The following SH3TC1 variants were observed in gnomAD, a reference collection of about 807,000 sequenced individuals.
SH3TC1 encodes SH3 domain and tetratricopeptide repeats 1, also known as SH3 domain and tetratricopeptide repeat-containing protein 1.
Under a neutral mutation model 117.3 loss-of-function variants are expected in SH3TC1, and 135 were observed. That is an observed-to-expected ratio of 1.15 (90% CI 1.00 to 1.33). The LOEUF is 1.33. SH3TC1 is among the 40% of genes most tolerant of loss of function. SH3TC1 has a pLI of 0.00. For missense variants in SH3TC1, 2,092 were observed against 1,794.3 expected (o/e 1.17, Z -3.00); for synonymous variants, 898 against 816.9 (o/e 1.10, Z -1.69).
At chr4:8,222,744 T>G in intron 9 of SH3TC1, 96 bp from the exon 10 acceptor site, 7 of 1,475,418 alleles carry the variant, frequency 4.7e-6, no homozygotes, top group Non-Finnish European at 6.5e-6. Context: ...GCTCCGAGAC[T>G]ATCTGTCTGT....
rs761218156 is a variant in SH3TC1, at chr4:8,214,572, A to G, written c.473A>G (p.His158Arg). Reference protein sequence around the residue: ...FEEIWKFSTYHALGFTHHCLA... With the variant: ...FEEIWKFSTYRALGFTHHCLA... ...GAAATCTGGAAGTTTTCCACCTACC[A>G]TGCTCTCGGTAAAGAGGTGACCCTC... is the stretch of plus-strand genomic sequence containing the variant. The change falls in exon 5 of 18, where the codon CAT (histidine) becomes CGT (arginine). Residue 158 changes from histidine (H) to arginine (R), a missense_variant. By Grantham distance (29) the His-to-Arg change is conservative. Transcript: ENST00000245105. 2.5e-6 allele frequency: 4 copies of G among 1,613,478 alleles called. No homozygotes were observed. Among genetic ancestry groups the G allele is most frequent in the Non-Finnish European group, 3.4e-6 (4 of 1,179,768 alleles).
chr4:8,210,008 GA>G lies in SH3TC1; in HGVS notation c.247+187del, dbSNP rs1198019404. 6.6e-6 allele frequency among the ~76,000 whole-genome samples: 1 copy of G among 152,200 alleles called. No individual in the cohort carries two copies. Among genetic ancestry groups the G allele is most frequent in the Non-Finnish European group, 1.5e-5 (1 of 68,026 alleles). On this transcript the variant is annotated intron_variant, in intron 3 of 17. Transcript: ENST00000245105. This position sits in a 1 kb window ranked among gnomAD's most constrained non-coding sequence, Gnocchi z 4.1. ...TGCCCAGGTCCTGCACCCAGAGGGG[GA>G]CATGGCCCCTGGGGCTCCCCTAGGC...
At chr4:8,191,618 A>G (rs997084222) in intron 1 of SH3TC1, among the ~76,000 whole-genome samples, 3 of 152,002 alleles carry the variant, frequency 2.0e-5, no homozygotes, top group African/African-American at 7.2e-5. Flanking sequence ...TTCCAGCACC[A>G]GCTGGTACGG....
chr4:8,185,865 A>C (rs1717204697), intron 1 of SH3TC1, among the ~76,000 whole-genome samples: 1 of 152,150 alleles, frequency 6.6e-6, no homozygotes, highest in African/African-American at 2.4e-5. Context: ...TCGTGGTTTT[A>C]TGAGCGTTGG....
At chr4:8,230,656 T>C (rs1028651708) in intron 12 of SH3TC1, among the ~76,000 whole-genome samples, 15 of 152,220 alleles carry the variant, frequency 9.9e-5, no homozygotes, top group Admixed American at 9.8e-4. Context: ...TTTTCTAGTT[T>C]CTTAAGGTGG....
rs1720334867 is a variant in SH3TC1, at chr4:8,225,091, G to C, written c.1244-84G>C. On this transcript the variant is annotated intron_variant, in intron 10 of 17. Transcript: ENST00000245105. The surrounding 1 kb of genome is among the most constrained non-coding windows in gnomAD (Gnocchi z 5.5). ...CTGCACCCAGCAATGCTCTCACCCT[G>C]CAACATCGACACTAGCTCAACCTGG... 6.5e-7 allele frequency: 1 copy of C among 1,532,052 alleles called. No individual in the cohort carries two copies. Among genetic ancestry groups the C allele is most frequent in the Non-Finnish European group, 9.0e-7 (1 of 1,115,042 alleles). The allele number at this position is 1,532,052 out of a possible 1,614,324, so 94.9% of individuals were successfully genotyped here.
At chr4:8,212,922 G>A (rs1718883769) in intron 4 of SH3TC1, 94 bp downstream of exon 4, 3 of 1,442,350 alleles carry the variant, frequency 2.1e-6, no homozygotes, top group Non-Finnish European at 2.8e-6. Flanking sequence ...GGACACAGGA[G>A]GCAGGCCTCA....
intron 1 of SH3TC1, among the ~76,000 whole-genome samples, chr4:8,184,577 T>C (rs187462359): frequency 1.3e-5 from 2 of 152,136 alleles, no homozygotes; most frequent in Admixed American, 1.3e-4. Context: ...CAGGGTCTCA[T>C]CATGTTGCTC....
rs1293726573 is a variant in SH3TC1, at chr4:8,228,092, G to A, written c.2398G>A (p.Gly800Ser). Residue 800 changes from glycine (G) to serine (S), a missense_variant, in exon 12 of 18, where the codon GGC becomes AGC. Coordinates refer to ENST00000245105, the MANE Select transcript of SH3TC1 (RefSeq NM_018986.5). ...CTTGGCCCAGCTGTACAGCCACCATGGCTGCCACGGCCCGGCCATCACCTT... is the reference window on the plus strand; with the variant it reads ...CTTGGCCCAGCTGTACAGCCACCATAGCTGCCACGGCCCGGCCATCACCTT... ...TSLAQLYSHH[G>S]CHGPAITFMT... The A allele has an allele frequency of 6.2e-7, 1 of 1,609,026 alleles. No homozygotes were observed. Among genetic ancestry groups the A allele is most frequent in the Non-Finnish European group, 8.5e-7 (1 of 1,177,484 alleles).
chr4:8,213,814 A>T lies in SH3TC1; in HGVS notation c.376-661A>T, dbSNP rs370241940. Among the ~76,000 whole-genome samples the T allele has an allele frequency of 1.6e-4, 24 of 151,144 alleles. No individual in the cohort carries two copies. The East Asian group carries it at 4.7e-3, about 30-fold the overall frequency. ...AATGGGTGGATTATCTGAGCCCAGG[A>T]GGTTGAGGCTGCAATGAACCATGGT... On this transcript the variant is annotated intron_variant, in intron 4 of 17. Coordinates refer to ENST00000245105, the MANE Select transcript of SH3TC1 (RefSeq NM_018986.5).
At chr4:8,203,278 G>A (rs548117562) in intron 1 of SH3TC1, among the ~76,000 whole-genome samples, 1 of 39,332 alleles carries the variant, frequency 2.5e-5, no homozygotes, top group Admixed American at 4.7e-4. Context: ...GTGCGGGTGC[G>A]TGTGTGTGTG....
intron 9 of SH3TC1, among the ~76,000 whole-genome samples, chr4:8,222,525 C>T (rs966872135): frequency 1.3e-5 from 2 of 151,924 alleles, no homozygotes; most frequent in African/African-American, 4.8e-5. Context: ...AGGCTCATGC[C>T]ACCACGCCTG....
rs1444716151 is a variant in SH3TC1 at position 8,219,385 on chromosome 4, G to T, written c.967G>T (p.Glu323Ter). The change falls in exon 9 of 18, where the codon GAG (glutamate) becomes TAG (stop). Residue 323 changes from glutamate to a stop codon, truncating the protein, a stop_gained. Transcript: ENST00000245105. LOFTEE classifies it high-confidence loss of function. ...AGACTTCCAGGGCTCGGGGCCCGAA[G>T]AGATGACCTTCCGAGGTGGCGACCT... ...LADFQGSGPEEMTFRGGDLIE... is the reference protein window; with the variant it reads ...LADFQGSGPE 1.9e-6 allele frequency: 3 copies of T among 1,609,894 alleles called. No individual in the cohort carries two copies. The highest frequency in any genetic ancestry group is 2.5e-6 in the Non-Finnish European group (3 of 1,177,530).
At position 8,217,005 on chromosome 4, in the gene SH3TC1, G is replaced by A; in HGVS notation, c.677G>A (p.Gly226Asp). 6.2e-7 allele frequency: 1 copy of A among 1,613,950 alleles called. No homozygotes were observed. Reference sequence around the variant, plus strand: ...GACCACCATGTGAGAGTGATGACGGGTCCCCGGGATGCAGGAAATGGCCCC... The same window carrying A: ...GACCACCATGTGAGAGTGATGACGGATCCCCGGGATGCAGGAAATGGCCCC... The part of the protein sequence containing the change: ...CPDHHVRVMT[G>D]PRDAGNGPQA... The change falls in exon 7 of 18, where the codon GGT (glycine) becomes GAT (aspartate). Residue 226 changes from glycine (G) to aspartate (D), a missense_variant. Coordinates refer to ENST00000245105, the MANE Select transcript of SH3TC1 (RefSeq NM_018986.5).
In SH3TC1 at chr4:8,227,743, G is replaced by C. The variant is rs1333176061; in HGVS notation, c.2049G>C (p.Glu683Asp). Residue 683 changes from glutamate (E) to aspartate (D), a missense_variant, in exon 12 of 18, where the codon GAG (glutamate) becomes GAC (aspartate). By Grantham distance (45) the Glu-to-Asp change is conservative. Transcript: ENST00000245105. Reference protein sequence around the residue: ...RHHVHLKQPEEALPFLERLLL... With the variant: ...RHHVHLKQPEDALPFLERLLL... Reference sequence around the variant, plus strand: ...ACGTGCACCTCAAGCAGCCCGAGGAGGCCCTGCCCTTCCTAGAGCGGCTGC... The same window carrying C: ...ACGTGCACCTCAAGCAGCCCGAGGACGCCCTGCCCTTCCTAGAGCGGCTGC... 6.2e-7 allele frequency: 1 copy of C among 1,607,770 alleles called. No individual in the cohort carries two copies. The highest frequency in any genetic ancestry group is 1.3e-5 in the African/African-American group (1 of 74,852).
Position 8,192,480 on chromosome 4 carries a change from T to TATTTC in SH3TC1, c.-57+10274_-57+10275insCATTT, listed in dbSNP as rs1717447467. ...TATTTTATTTTATTTTATTTTATTT[T>TATTTC]ATTTTATTTTATTTTATTTCATTTT... is the stretch of plus-strand genomic sequence containing the variant. On this transcript the variant is annotated intron_variant, in intron 1 of 16. Coordinates refer to the SH3TC1 transcript ENST00000508641. This position sits in a 1 kb window ranked among gnomAD's most constrained non-coding sequence, Gnocchi z 4.1. Among the ~76,000 whole-genome samples the TATTTC allele has an allele frequency of 6.9e-6, 1 of 145,228 alleles. No homozygotes were observed. The highest frequency in any genetic ancestry group is 2.8e-5 in the African/African-American group (1 of 35,518).
chr4:8,236,003 G>A (rs1037378943), intron 15 of SH3TC1: 9 of 490,468 alleles, frequency 1.8e-5, no homozygotes, highest in Non-Finnish European at 3.2e-5. Flanking sequence ...TGTTTTTAGA[G>A]CAGAGAGGAG....
intron 17 of SH3TC1, among the ~76,000 whole-genome samples, chr4:8,239,518 GCA>G (rs1490272128): frequency 3.4e-5 from 5 of 145,142 alleles, no homozygotes; most frequent in Non-Finnish European, 7.5e-5. Flanking sequence ...CCAGGCACAT[GCA>G]CACAGGCACA....
chr4:8,205,015 C>G lies in SH3TC1; in HGVS notation c.-28-152C>G. On this transcript the variant is annotated intron_variant, in intron 1 of 17. Coordinates refer to ENST00000245105, the MANE Select transcript of SH3TC1 (RefSeq NM_018986.5). The surrounding 1 kb of genome is among the most constrained non-coding windows in gnomAD (Gnocchi z 5.4). Reference sequence around the variant, plus strand: ...GTGCGGGATCACGCCCACCACAACACGGTGCACGGTGCGGTGAGGGGCTCG... The same window carrying G: ...GTGCGGGATCACGCCCACCACAACAGGGTGCACGGTGCGGTGAGGGGCTCG... 2 of 539,186 alleles carry G rather than the reference C, an allele frequency of 3.7e-6. No individual in the cohort carries two copies. The highest frequency in any genetic ancestry group is 7.7e-5 in the South Asian group (2 of 26,086). The allele number at this position is 539,186 out of a possible 1,614,324, so 33.4% of individuals were successfully genotyped here.
Sources: allele counts gnomAD v4.1 joint callset (sites outside exome capture counted in the v4.1 genomes callset), GRCh38; gene constraint gnomAD v4.1.1; non-coding constraint Gnocchi (gnomAD v3.1); transcripts MANE v1.5; gene names NCBI Gene and HGNC (gene_info 2026-07-23, HGNC 2026-07-21).